Variants in LRP1B observed in about 807,000 individuals in gnomAD.
LRP1B encodes LDL receptor related protein 1B, also known as low-density lipoprotein receptor-related protein 1B.
A neutral mutation model predicts 556.6 loss-of-function variants in LRP1B; 217 were observed. The ratio of observed to expected loss-of-function variants is 0.39; its 90% CI spans 0.35 to 0.44. The LOEUF is 0.44. Among genes scored for constraint, LRP1B ranks in the 20% least tolerant of loss-of-function variants. The pLI, the probability that LRP1B is intolerant of heterozygous loss-of-function variation, is 1.00. For synonymous variants in LRP1B, 2,047 were observed against 1,865.8 expected, an observed-to-expected ratio of 1.10 and a Z score of -2.50; for missense variants, 5,053 against 5,620.8, an observed-to-expected ratio of 0.90 and a Z score of 3.23.
intron 1 of LRP1B, among the ~76,000 whole-genome samples, chr2:142,084,624 G>A (rs539078198): frequency 1.3e-5 from 2 of 151,896 alleles, no homozygotes; most frequent in Admixed American, 6.6e-5. Context: ...ATATTCCTTC[G>A]ACCTGAACTC....
chr2:140,352,893 C>A, intron 76 of LRP1B, 60 bp downstream of exon 76: 2 of 1,479,378 alleles, frequency 1.4e-6, no homozygotes, highest in Non-Finnish European at 1.8e-6. Flanking sequence ...AAACATTTTT[C>A]TCCATAAAAT....
At chr2:141,850,620 C>T (rs1697816769) in intron 1 of LRP1B, among the ~76,000 whole-genome samples, 1 of 88,480 alleles carries the variant, frequency 1.1e-5, no homozygotes, top group South Asian at 3.3e-4. Flanking sequence ...CTAGCATAAA[C>T]TCTGTGTGTG....
intron 6 of LRP1B, 43 bp from the exon 7 acceptor site, chr2:141,188,626 C>A (rs781323498): frequency 6.5e-7 from 1 of 1,548,978 alleles, no homozygotes. Flanking sequence ...CAGGTGCAAT[C>A]TAGCATCATG....
At chr2:140,599,066 C>T (rs1682553056) in intron 42 of LRP1B, among the ~76,000 whole-genome samples, 1 of 151,992 alleles carries the variant, frequency 6.6e-6, no homozygotes, top group South Asian at 2.1e-4. Context: ...AATAATTATC[C>T]TGTGTATTCC....
intron 1 of LRP1B, among the ~76,000 whole-genome samples, chr2:141,953,631 C>T (rs779840606): frequency 2.6e-5 from 4 of 151,950 alleles, no homozygotes; most frequent in Non-Finnish European, 4.4e-5. Flanking sequence ...CTCCAAGAGT[C>T]GCCTAGTTTG....
chr2:141,302,490 A>G (rs1423811925), intron 3 of LRP1B, among the ~76,000 whole-genome samples: 1 of 152,142 alleles, frequency 6.6e-6, no homozygotes, highest in East Asian at 1.9e-4. Context: ...AAAATATAGA[A>G]CAGCCCTATT....
At chr2:141,607,110 C>G (rs10496886) in intron 2 of LRP1B, among the ~76,000 whole-genome samples, 2 of 151,284 alleles carry the variant, frequency 1.3e-5, no homozygotes, top group Admixed American at 6.6e-5. Flanking sequence ...TGATTCATAC[C>G]CTTACAAAAT....
At chr2:140,333,143 G>A (rs778681624) in intron 79 of LRP1B, among the ~76,000 whole-genome samples, 5 of 151,776 alleles carry the variant, frequency 3.3e-5, no homozygotes, top group African/African-American at 7.3e-5. Flanking sequence ...TACTCAGAAC[G>A]TACTATTCTA....
Position 141,049,001 on chromosome 2 carries a change from T to C in LRP1B, c.1774A>G (p.Thr592Ala), listed in dbSNP as rs746182505. ...RQKIDGTERETILKDDLDNVE... is the reference protein window; with the variant it reads ...RQKIDGTEREAILKDDLDNVE... ...TGTCACTTACCATCTTTCAGGATGGTTTCTCTCTCTGTGCCATCTATCTTC... is the reference window on the plus strand; with the variant it reads ...TGTCACTTACCATCTTTCAGGATGGCTTCTCTCTCTGTGCCATCTATCTTC... Residue 592 changes from threonine (T) to alanine (A), a missense_variant, in exon 11 of 91, where the codon ACC becomes GCC. Coordinates refer to ENST00000389484, the MANE Select transcript of LRP1B (RefSeq NM_018557.3). The C allele has an allele frequency of 3.7e-6, 6 of 1,612,418 alleles. No homozygotes were observed. The highest frequency in any genetic ancestry group is 5.1e-6 in the Non-Finnish European group (6 of 1,178,812).
intron 2 of LRP1B, among the ~76,000 whole-genome samples, chr2:141,704,467 G>T (rs1692066411): frequency 6.6e-6 from 1 of 151,846 alleles, no homozygotes; most frequent in Non-Finnish European, 1.5e-5. Flanking sequence ...AACCCTCCAT[G>T]TTCTTGAATT....
chr2:141,899,743 C>T (rs970641704), intron 1 of LRP1B, among the ~76,000 whole-genome samples: 2 of 152,068 alleles, frequency 1.3e-5, no homozygotes, highest in South Asian at 4.1e-4. Context: ...GGAAGAGCTC[C>T]TTTTGATAAT....
intron 3 of LRP1B, among the ~76,000 whole-genome samples, chr2:141,380,235 A>AG (rs540956918): frequency 5.9e-4 from 89 of 152,104 alleles, no homozygotes; most frequent in African/African-American, 2.0e-3. Flanking sequence ...GAAAAAAAAA[A>AG]AAAAGCAAGC....
intron 35 of LRP1B, among the ~76,000 whole-genome samples, chr2:140,759,239 A>C (rs1185533474): frequency 6.6e-6 from 1 of 152,156 alleles, no homozygotes; most frequent in Non-Finnish European, 1.5e-5. Context: ...TTGAATAGTC[A>C]AAAAGCTGGC....
intron 21 of LRP1B, 25 bp from the exon 22 acceptor site, chr2:140,908,102 G>A (rs2105232576): frequency 1.3e-6 from 2 of 1,592,622 alleles, no homozygotes; most frequent in Non-Finnish European, 1.7e-6. Context: ...AATAGTGTCA[G>A]TTTGATTTTT....
At chr2:140,442,711 G>T in intron 65 of LRP1B, 88 bp from the exon 66 acceptor site, 2 of 1,321,346 alleles carry the variant, frequency 1.5e-6, no homozygotes, top group Non-Finnish European at 1.1e-6. Context: ...GTTTAAGACA[G>T]TTTATCGAAA....
At chr2:141,285,662 G>A (rs1234757178) in intron 3 of LRP1B, among the ~76,000 whole-genome samples, 1 of 146,068 alleles carries the variant, frequency 6.8e-6, no homozygotes, top group Admixed American at 6.8e-5. Flanking sequence ...CACCATGATG[G>A]CCAGGCTGGT....
At chr2:140,951,676 G>A (rs190588808) in intron 19 of LRP1B, among the ~76,000 whole-genome samples, 184 bp downstream of exon 19, 1 of 152,176 alleles carries the variant, frequency 6.6e-6, no homozygotes, top group Non-Finnish European at 1.5e-5. Context: ...CAAATATTGA[G>A]TTCCATTATC....
At chr2:140,973,765 T>C (rs1235334606) in intron 18 of LRP1B, among the ~76,000 whole-genome samples, 1 of 152,116 alleles carries the variant, frequency 6.6e-6, no homozygotes, top group Non-Finnish European at 1.5e-5. Context: ...TAAAAATACA[T>C]AACATAAAAT....
intron 3 of LRP1B, among the ~76,000 whole-genome samples, chr2:141,261,931 G>T (rs945766761): frequency 6.6e-6 from 1 of 152,016 alleles, no homozygotes; most frequent in Non-Finnish European, 1.5e-5. Context: ...GTGGTAAGTG[G>T]ATGTTTTACT....
Sources: gnomAD v4.1 joint callset for allele counts (sites outside exome capture counted in the v4.1 genomes callset) on GRCh38, gnomAD v4.1.1 for gene constraint, MANE v1.5 for transcripts, NCBI Gene and HGNC (gene_info 2026-07-23, HGNC 2026-07-21) for gene names.